The following HAND1 variants were observed in gnomAD, a reference collection of about 807,000 sequenced individuals.
HAND1 encodes heart and neural crest derivatives expressed 1, also known as heart- and neural crest derivatives-expressed protein 1.
HAND1 carries 10 observed loss-of-function variants against 14.5 expected under a neutral mutation model. The observed-to-expected ratio is 0.69, with a 90% CI of 0.42 to 1.17. The LOEUF (loss-of-function observed/expected upper bound fraction) is 1.17, where lower values mean the gene tolerates loss of function less well. HAND1 is among the 50% of genes most tolerant of loss of function. The pLI is 0.00. For missense variants in HAND1, 299 were observed against 298.4 expected (o/e 1.00, Z -0.01); for synonymous variants, 128 against 127.1 (o/e 1.01, Z -0.05).
Position 154,478,105 on chromosome 5 carries a change from A to G in HAND1, c.-97T>C. The G allele has an allele frequency of 7.1e-7, 1 of 1,407,116 alleles. No homozygotes were observed. The highest frequency in any genetic ancestry group is 9.9e-7 in the Non-Finnish European group (1 of 1,013,734). 87.2% of individuals were successfully genotyped at this position (1,407,116 alleles called of 1,614,324 possible). A position where few individuals can be genotyped will look rare whatever the true frequency, so the allele number is the denominator to read the frequency against. On this transcript the variant is annotated 5_prime_UTR_variant, in exon 1 of 2. Coordinates refer to ENST00000231121, the MANE Select transcript of HAND1 (RefSeq NM_004821.3). The surrounding 1 kb of genome is among the most constrained non-coding windows in gnomAD (Gnocchi z 4.5). ...GCCACCTGTGGGCTCTGGAGCCACT[A>G]CTGGGCGCCGGCTTTGGGAGAGTCC...
chr5:154,475,876 G>A lies in HAND1; in HGVS notation c.578C>T (p.Pro193Leu). The change falls in exon 2 of 2, where the codon CCA (proline) becomes CTA (leucine). Residue 193 changes from proline to leucine, a missense_variant. Transcript: ENST00000231121. ...QHEGFPPALG[P>L]VEKRIKGRTG... ...GCGTCCTTTAATCCTCTTCTCGACTGGGCCCAGGGCAGGAGGAAAACCTTC... is the reference window on the plus strand; with the variant it reads ...GCGTCCTTTAATCCTCTTCTCGACTAGGCCCAGGGCAGGAGGAAAACCTTC... The A allele has an allele frequency of 1.2e-6, 2 of 1,614,028 alleles. No individual in the cohort carries two copies. The highest frequency in any genetic ancestry group is 1.7e-6 in the Non-Finnish European group (2 of 1,179,888).
chr5:154,477,501 C>T lies in HAND1; in HGVS notation c.508G>A (p.Asp170Asn). The T allele has an allele frequency of 6.2e-7, 1 of 1,614,198 alleles. No homozygotes were observed. Among genetic ancestry groups the T allele is most frequent in the Non-Finnish European group, 8.5e-7 (1 of 1,180,034 alleles). ...TTCCGCTTGCTCTCACGGCCGCCAT[C>T]CGCCTTCTTGAGTTCAGCCTTGAAG... ...EAFKAELKKA[D>N]GGRESKRKRE... is the part of the protein sequence containing the mutation. The change falls in exon 1 of 2, where the codon GAT (aspartate) becomes AAT (asparagine). Residue 170 changes from aspartate (D) to asparagine (N), a missense_variant. Coordinates refer to ENST00000231121, the MANE Select transcript of HAND1 (RefSeq NM_004821.3).
rs1200587792 is a variant in HAND1 at position 154,475,783 on chromosome 5, A to G, written c.*23T>C. 8 of 1,553,190 alleles carry G rather than the reference A, an allele frequency of 5.2e-6. No individual in the cohort carries two copies. The highest frequency in any genetic ancestry group is 2.7e-5 in the African/African-American group (2 of 73,774). ...GGCTTCAGGAGTGGCTGGCCTGGCC[A>G]GGTCCTCGGCGCGGGCCTCGGCTCA... is the stretch of plus-strand genomic sequence containing the variant. On this transcript the variant is annotated 3_prime_UTR_variant, in exon 2 of 2. Transcript: ENST00000231121.
chr5:154,478,136 A>T lies in HAND1; in HGVS notation c.-128T>A. On this transcript the variant is annotated 5_prime_UTR_variant, in exon 1 of 2. The change creates a new upstream start codon in the 5' untranslated region. Coordinates refer to ENST00000231121, the MANE Select transcript of HAND1 (RefSeq NM_004821.3). This position sits in a 1 kb window ranked among gnomAD's most constrained non-coding sequence, Gnocchi z 4.5. ...CGCCGGCTTTGGGAGAGTCCGGGCA[A>T]GGCTGAAAATGAGACGCGCAGCCCA... is the stretch of plus-strand genomic sequence containing the variant. 3.8e-6 allele frequency: 4 copies of T among 1,044,534 alleles called. No homozygotes were observed. The highest frequency in any genetic ancestry group is 4.3e-6 in the Non-Finnish European group (3 of 704,758). The allele number at this position is 1,044,534 out of a possible 1,614,324, so 64.7% of individuals were successfully genotyped here.
chr5:154,475,696 G>A lies in HAND1; in HGVS notation c.*110C>T. Reference sequence around the variant, plus strand: ...GCGCTCAGCAGAAGCTCCGCGGGATGCGTAGCACCAGTCGCCGGAGCCCAG... The same window carrying A: ...GCGCTCAGCAGAAGCTCCGCGGGATACGTAGCACCAGTCGCCGGAGCCCAG... On this transcript the variant is annotated 3_prime_UTR_variant, in exon 2 of 2. Transcript: ENST00000231121. 2.5e-6 allele frequency: 2 copies of A among 809,538 alleles called. No homozygotes were observed. Among genetic ancestry groups the A allele is most frequent in the South Asian group, 2.8e-5 (2 of 70,666 alleles). 50.1% of individuals were successfully genotyped at this position (809,538 alleles called of 1,614,324 possible). A position where few individuals can be genotyped will look rare whatever the true frequency, so the allele number is the denominator to read the frequency against.
At position 154,478,143 on chromosome 5, in the gene HAND1, A is replaced by G; in HGVS notation, c.-135T>C. ...TTTGGGAGAGTCCGGGCAAGGCTGA[A>G]AATGAGACGCGCAGCCCACTGTCTT... On this transcript the variant is annotated 5_prime_UTR_variant, in exon 1 of 2. Transcript: ENST00000231121. The surrounding 1 kb of genome is among the most constrained non-coding windows in gnomAD (Gnocchi z 4.5). 1.1e-6 allele frequency: 1 copy of G among 909,160 alleles called. No homozygotes were observed. Among genetic ancestry groups the G allele is most frequent in the Non-Finnish European group, 1.7e-6 (1 of 587,770 alleles). 56.3% of individuals were successfully genotyped at this position (909,160 alleles called of 1,614,324 possible).
At position 154,477,522 on chromosome 5, in the gene HAND1, T is replaced by C; in HGVS notation, c.487A>G (p.Lys163Glu). Reference protein sequence around the residue: ...DAQSGDPEAFKAELKKADGGR... With the variant: ...DAQSGDPEAFEAELKKADGGR... Reference sequence around the variant, plus strand: ...CCATCCGCCTTCTTGAGTTCAGCCTTGAAGGCCTCGGGATCGCCAGACTGT... The same window carrying C: ...CCATCCGCCTTCTTGAGTTCAGCCTCGAAGGCCTCGGGATCGCCAGACTGT... The change falls in exon 1 of 2, where the codon AAG becomes GAG. Residue 163 changes from lysine (K) to glutamate (E), a missense_variant. Transcript: ENST00000231121. 1.2e-6 allele frequency: 2 copies of C among 1,614,190 alleles called. No individual in the cohort carries two copies. The highest frequency in any genetic ancestry group is 2.2e-5 in the East Asian group (1 of 44,880).
Position 154,477,837 on chromosome 5 carries a change from C to T in HAND1, c.172G>A (p.Ala58Thr). Reference protein sequence around the residue: ...SPADAAPDFPAGGPPPAAAAA... With the variant: ...SPADAAPDFPTGGPPPAAAAA... ...GCGGCCGCGGGCGGCGGCCCGCCCG[C>T]AGGGAAGTCCGGGGCAGCGTCAGCC... The change falls in exon 1 of 2, where the codon GCG becomes ACG. Residue 58 changes from alanine to threonine, a missense_variant. Coordinates refer to ENST00000231121, the MANE Select transcript of HAND1 (RefSeq NM_004821.3). 6.2e-7 allele frequency: 1 copy of T among 1,600,154 alleles called. No individual in the cohort carries two copies. The highest frequency in any genetic ancestry group is 8.5e-7 in the Non-Finnish European group (1 of 1,178,406).
Position 154,477,751 on chromosome 5 carries a change from C to T in HAND1, c.258G>A (p.Glu86=), listed in dbSNP as rs1757569679. 1 of 1,611,514 alleles carries T rather than the reference C, an allele frequency of 6.2e-7. No homozygotes were observed. ...ARPGQSPGRL[E]ALGGRLGRRK... ...GCCGGCCAAGACGGCCGCCAAGCGC[C>T]TCCAGCCGCCCGGGGCTCTGCCCAG... The change falls in exon 1 of 2, where the codon GAG becomes GAA. Residue 86 remains glutamate (E), a synonymous_variant. Transcript: ENST00000231121.
chr5:154,475,635 C>G lies in HAND1; in HGVS notation c.*171G>C. 3 of 635,160 alleles carry G rather than the reference C, an allele frequency of 4.7e-6. No homozygotes were observed. The South Asian group carries it at 5.4e-5, about 11-fold the overall frequency. The allele number at this position is 635,160 out of a possible 1,614,324, so 39.3% of individuals were successfully genotyped here. A position where few individuals can be genotyped will look rare whatever the true frequency, so the allele number is the denominator to read the frequency against. On this transcript the variant is annotated 3_prime_UTR_variant, in exon 2 of 2. Transcript: ENST00000231121. ...AAAAAATCAAAGGACATTGCACGTG[C>G]GATCCAAGTGTGTGGTTGCAGCCGA...
Position 154,477,827 on chromosome 5 carries a change from G to A in HAND1, c.182C>T (p.Pro61Leu), listed in dbSNP as rs760076464. Residue 61 changes from proline to leucine, a missense_variant, in exon 1 of 2, where the codon CCG becomes CTG. Pro to Leu is a moderately conservative substitution (Grantham distance 98). Transcript: ENST00000231121. The stretch of plus-strand genomic sequence containing the variant: ...GGCGGCTGCAGCGGCCGCGGGCGGC[G>A]GCCCGCCCGCAGGGAAGTCCGGGGC... ...DAAPDFPAGG[P>L]PPAAAAAATA... 2 of 1,595,046 alleles carry A rather than the reference G, an allele frequency of 1.3e-6. No homozygotes were observed. The highest frequency in any genetic ancestry group is 1.7e-5 in the Admixed American group (1 of 59,422).
intron 1 of HAND1, among the ~76,000 whole-genome samples, chr5:154,476,351 G>A (rs1224856175): frequency 6.6e-6 from 1 of 152,200 alleles, no homozygotes; most frequent in African/African-American, 2.4e-5. Flanking sequence ...CTAAGCCGGA[G>A]CTGGGAGCCT....
rs755831294 is a variant in HAND1 at position 154,477,913 on chromosome 5, G to A, written c.96C>T (p.Ala32=). 11 of 1,599,434 alleles carry A rather than the reference G, an allele frequency of 6.9e-6. No homozygotes were observed. Among genetic ancestry groups the A allele is most frequent in the Non-Finnish European group, 9.3e-6 (11 of 1,179,892 alleles). Residue 32 remains alanine (A), a synonymous_variant, in exon 1 of 2, where the codon GCC becomes GCT. Transcript: ENST00000231121. The part of the protein sequence containing the change: ...MLHEPFLFGP[A]SRCHQERPYF... ...AGGGCCTTTCCTGATGACAGCGCGA[G>A]GCCGGACCGAAGAGGAAGGGTTCGT... is the stretch of plus-strand genomic sequence containing the variant.
At chr5:154,476,857 C>T (rs1757550645) in intron 1 of HAND1, among the ~76,000 whole-genome samples, 1 of 152,204 alleles carries the variant, frequency 6.6e-6, no homozygotes, top group Non-Finnish European at 1.5e-5. Flanking sequence ...CTCTTATTTA[C>T]ATGCAAAGCC....
In HAND1 at chr5:154,477,996, C is replaced by T; in HGVS notation, c.13G>A (p.Gly5Ser). 6.3e-7 allele frequency: 1 copy of T among 1,597,918 alleles called. No individual in the cohort carries two copies. Among genetic ancestry groups the T allele is most frequent in the South Asian group, 1.1e-5 (1 of 91,070 alleles). The change falls in exon 1 of 2, where the codon GGC (glycine) becomes AGC (serine). Residue 5 changes from glycine (G) to serine (S), a missense_variant. Coordinates refer to ENST00000231121, the MANE Select transcript of HAND1 (RefSeq NM_004821.3). Reference sequence around the variant, plus strand: ...TGGTGGTGATGGTGTGCGTAGCTGCCCACGAGGTTCATGTTGGAGCGGCTA... The same window carrying T: ...TGGTGGTGATGGTGTGCGTAGCTGCTCACGAGGTTCATGTTGGAGCGGCTA... MNLV[G>S]SYAHHHHHHH...
rs958235944 is a variant in HAND1, at chr5:154,475,108, G to A, written c.*698C>T. The A allele has an allele frequency of 6.5e-6, 1 of 152,700 alleles. No individual in the cohort carries two copies. Among genetic ancestry groups the A allele is most frequent in the African/African-American group, 2.4e-5 (1 of 41,426 alleles). The allele number at this position is 152,700 out of a possible 1,614,324, so 9.5% of individuals were successfully genotyped here. The stretch of plus-strand genomic sequence containing the variant: ...GATGAACAAACACCTGAGCACAACA[G>A]GCATGGTAGGTAGTTTAAATACATA... On this transcript the variant is annotated 3_prime_UTR_variant, in exon 2 of 2. Coordinates refer to ENST00000231121, the MANE Select transcript of HAND1 (RefSeq NM_004821.3).
Position 154,478,064 on chromosome 5 carries a change from C to T in HAND1, c.-56G>A. The T allele has an allele frequency of 3.1e-6, 5 of 1,589,854 alleles. No homozygotes were observed. Among genetic ancestry groups the T allele is most frequent in the Non-Finnish European group, 4.3e-6 (5 of 1,174,762 alleles). ...CCCTATTAACGCCGCTCCATGCGCC[C>T]CAGAGACTGCCGGGGGCCACCTGTG... On this transcript the variant is annotated 5_prime_UTR_variant, in exon 1 of 2. Coordinates refer to ENST00000231121, the MANE Select transcript of HAND1 (RefSeq NM_004821.3). This position sits in a 1 kb window ranked among gnomAD's most constrained non-coding sequence, Gnocchi z 4.5.
rs761768832 is a variant in HAND1 at position 154,477,835 on chromosome 5, C to T, written c.174G>A (p.Ala58=). ...CAGCGGCCGCGGGCGGCGGCCCGCC[C>T]GCAGGGAAGTCCGGGGCAGCGTCAG... ...SPADAAPDFP[A]GGPPPAAAAA... is the part of the protein sequence containing the mutation. The change falls in exon 1 of 2, where the codon GCG becomes GCA. Residue 58 remains alanine (A), a synonymous_variant. Coordinates refer to ENST00000231121, the MANE Select transcript of HAND1 (RefSeq NM_004821.3). The T allele has an allele frequency of 1.3e-6, 2 of 1,599,234 alleles. No homozygotes were observed. Among genetic ancestry groups the T allele is most frequent in the South Asian group, 2.2e-5 (2 of 90,968 alleles).
At position 154,477,752 on chromosome 5, in the gene HAND1, T is replaced by A. The variant is rs1177737621; in HGVS notation, c.257A>T (p.Glu86Val). The A allele has an allele frequency of 6.2e-7, 1 of 1,610,844 alleles. No individual in the cohort carries two copies. The highest frequency in any genetic ancestry group is 1.7e-5 in the Admixed American group (1 of 59,794). The change falls in exon 1 of 2, where the codon GAG (glutamate) becomes GTG (valine). Residue 86 changes from glutamate (E) to valine (V), a missense_variant. Transcript: ENST00000231121. ...CCGGCCAAGACGGCCGCCAAGCGCC[T>A]CCAGCCGCCCGGGGCTCTGCCCAGG... ...ARPGQSPGRL[E>V]ALGGRLGRRK...
Sources: gnomAD v4.1 joint callset for allele counts (sites outside exome capture counted in the v4.1 genomes callset) on GRCh38, gnomAD v4.1.1 for gene constraint, Gnocchi (gnomAD v3.1) non-coding constraint, MANE v1.5 for transcripts, NCBI Gene and HGNC (gene_info 2026-07-23, HGNC 2026-07-21) for gene names.